The following PPP4R2 variants were observed in gnomAD, a reference collection of about 807,000 sequenced individuals.
The protein encoded by PPP4R2 is serine/threonine-protein phosphatase 4 regulatory subunit 2.
A neutral mutation model predicts 47.2 loss-of-function variants in PPP4R2; 13 were observed. The observed-to-expected ratio is 0.28, with a 90% CI of 0.18 to 0.44. The LOEUF is 0.44. Ranked by LOEUF, PPP4R2 falls within the 20% of genes least tolerant of loss-of-function variation. PPP4R2 has a pLI of 1.00. For missense variants in PPP4R2, 421 were observed against 491.2 expected (o/e 0.86, Z 1.35); for synonymous variants, 151 against 163.3 (o/e 0.92, Z 0.57).
chr3:73,000,824 C>G (rs1016415919), intron 2 of PPP4R2, among the ~76,000 whole-genome samples: 2 of 152,066 alleles, frequency 1.3e-5, no homozygotes, highest in African/African-American at 4.8e-5. Flanking sequence ...ATATAGTATG[C>G]GCTGAATAAA....
intron 3 of PPP4R2, among the ~76,000 whole-genome samples, chr3:73,056,543 GTGT>G (rs79123962): frequency 0.25 from 38,366 of 151,980 alleles, 5,847 homozygotes; most frequent in Non-Finnish European, 0.36. Context: ...AGAAAAGGAA[GTGT>G]TGTGTGACAT....
At chr3:73,023,631 C>T (rs2107259053) in intron 2 of PPP4R2, among the ~76,000 whole-genome samples, 1 of 152,276 alleles carries the variant, frequency 6.6e-6, no homozygotes, top group African/African-American at 2.4e-5. Flanking sequence ...ACAATTTAAA[C>T]AGTGCAGTAG....
intron 3 of PPP4R2, among the ~76,000 whole-genome samples, chr3:73,052,132 A>T (rs1325715392): frequency 6.6e-6 from 1 of 152,178 alleles, no homozygotes; most frequent in African/African-American, 2.4e-5. Context: ...ATGAGTAAAG[A>T]AAAGAATATT....
At chr3:73,016,166 C>T (rs1470912779) in intron 2 of PPP4R2, 1 of 152,132 alleles carries the variant, frequency 6.6e-6, no homozygotes, top group Non-Finnish European at 1.5e-5. Context: ...AATAATAACC[C>T]TTGACAATAA....
chr3:73,001,802 T>G (rs1701467671), intron 2 of PPP4R2, among the ~76,000 whole-genome samples: 4 of 145,184 alleles, frequency 2.8e-5, no homozygotes, highest in Admixed American at 1.4e-4. Flanking sequence ...CTAATTATTG[T>G]GTTTTTAGTA....
At position 73,065,008 on chromosome 3, in the gene PPP4R2, C is replaced by T; in HGVS notation, c.795C>T (p.Ser265=). 1.2e-6 allele frequency: 2 copies of T among 1,613,848 alleles called. No homozygotes were observed. The highest frequency in any genetic ancestry group is 3.3e-5 in the Admixed American group (2 of 59,990). The stretch of plus-strand genomic sequence containing the variant: ...GAGAAACAGCCAGTCAAACGACTTC[C>T]AGCGAAATTTCTTCAGTTATGGTAG... ...EVRETASQTT[S]SEISSVMVGE... The change falls in exon 8 of 9, where the codon TCC becomes TCT. Residue 265 remains serine (S), a synonymous_variant. Coordinates refer to ENST00000356692, the MANE Select transcript of PPP4R2 (RefSeq NM_174907.4).
intron 2 of PPP4R2, among the ~76,000 whole-genome samples, chr3:73,012,724 A>G (rs1701749999): frequency 6.6e-6 from 1 of 152,068 alleles, no homozygotes; most frequent in Non-Finnish European, 1.5e-5. Context: ...ATTTTTAGAG[A>G]TTGTTTTATT....
chr3:73,038,720 G>A (rs556151741), intron 2 of PPP4R2, among the ~76,000 whole-genome samples: 1 of 152,180 alleles, frequency 6.6e-6, no homozygotes, highest in Non-Finnish European at 1.5e-5. Flanking sequence ...CTGTTGGTTG[G>A]ACTTTTTGTT....
intron 2 of PPP4R2, among the ~76,000 whole-genome samples, chr3:73,032,873 C>G (rs998390971): frequency 6.6e-6 from 1 of 152,098 alleles, no homozygotes; most frequent in Non-Finnish European, 1.5e-5. Context: ...ATGACTAATT[C>G]AACCCCAAAT....
At position 73,055,417 on chromosome 3, in the gene PPP4R2, CGTGTGT is replaced by C. The variant is rs10663655; in HGVS notation, c.288-3587_288-3582del. 3.4e-3 allele frequency among the ~76,000 whole-genome samples: 468 copies of C among 137,350 alleles called. 1 individual carries two copies. Among genetic ancestry groups the C allele is most frequent in the Middle Eastern group, 6.9e-3 (2 of 290 alleles). The allele number at this position is 137,350 out of a possible 152,430, so 90.1% of individuals were successfully genotyped here. ...TGAGTAAGGTCTCCTAGTGGGGTAGCGTGTGTGTGTGTGTGTGTGTGTGTGTGTGTG... is the reference window on the plus strand; with the variant it reads ...TGAGTAAGGTCTCCTAGTGGGGTAGCGTGTGTGTGTGTGTGTGTGTGTGTG... On this transcript the variant is annotated intron_variant, in intron 3 of 8. Coordinates refer to ENST00000356692, the MANE Select transcript of PPP4R2 (RefSeq NM_174907.4).
At chr3:73,031,420 G>A (rs764349820) in intron 2 of PPP4R2, among the ~76,000 whole-genome samples, 65 of 152,164 alleles carry the variant, frequency 4.3e-4, no homozygotes, top group Non-Finnish European at 8.5e-4. Context: ...GCATGCACCT[G>A]TAATCCCAGC....
In PPP4R2 at chr3:73,044,087, C is replaced by CGTGT. The variant is rs141997232; in HGVS notation, c.117-3086_117-3083dup. On this transcript the variant is annotated intron_variant, in intron 2 of 8. Transcript: ENST00000356692. ...TTCAGATTAAAGACTGGATAATATT[C>CGTGT]GTGTGTGTGTGTGTGTTTATCTCTC... 2.0e-4 allele frequency among the ~76,000 whole-genome samples: 30 copies of CGTGT among 151,676 alleles called. No individual in the cohort carries two copies. The East Asian group carries it at 5.0e-3, about 25-fold the overall frequency.
At chr3:73,021,848 ATG>A (rs34010770) in intron 2 of PPP4R2, among the ~76,000 whole-genome samples, 7,005 of 130,526 alleles carry the variant, frequency 0.054, 383 homozygotes, top group African/African-American at 0.15. Context: ...ACATTTCTAT[ATG>A]TGTGTGTGTG....
At chr3:73,010,194 AC>A (rs1332726389) in intron 2 of PPP4R2, among the ~76,000 whole-genome samples, 1 of 152,126 alleles carries the variant, frequency 6.6e-6, no homozygotes, top group African/African-American at 2.4e-5. Context: ...TTATCAGTTA[AC>A]CACTTAACGC....
In PPP4R2 at chr3:73,065,028, T is replaced by G; in HGVS notation, c.815T>G (p.Met272Arg). ...QTTSSEISSV[M>R]VGETEASSSS... ...ACTTCCAGCGAAATTTCTTCAGTTA[T>G]GGTAGGAGAAACAGAAGCATCATCT... Residue 272 changes from methionine to arginine, a missense_variant, in exon 8 of 9, where the codon ATG (methionine) becomes AGG (arginine). Transcript: ENST00000356692. The G allele has an allele frequency of 6.2e-7, 1 of 1,613,932 alleles. No homozygotes were observed.
intron 2 of PPP4R2, among the ~76,000 whole-genome samples, chr3:73,032,583 A>G (rs563574816): frequency 7.9e-5 from 12 of 152,250 alleles, no homozygotes; most frequent in South Asian, 6.2e-4. Context: ...CACCGTGCCC[A>G]GCCTACCTTC....
Position 73,061,044 on chromosome 3 carries a change from G to A in PPP4R2, c.403G>A (p.Val135Ile). Residue 135 changes from valine to isoleucine, a missense_variant, in exon 5 of 9, where the codon GTT (valine) becomes ATT (isoleucine). Transcript: ENST00000356692. ...VEKNVMVVSC[V>I]YPSSEKNNSN... ...GCAGAATGTGATGGTTGTTAGCTGT[G>A]TTTATCCTTCTTCAGAGTAAGTATA... is the stretch of plus-strand genomic sequence containing the variant. 1 of 1,544,986 alleles carries A rather than the reference G, an allele frequency of 6.5e-7. No individual in the cohort carries two copies. Among genetic ancestry groups the A allele is most frequent in the South Asian group, 1.2e-5 (1 of 80,438 alleles).
chr3:73,063,318 TAAAAAAAAA>T (rs534798966), intron 5 of PPP4R2: 3 of 92,168 alleles, frequency 3.3e-5, no homozygotes, highest in East Asian at 3.2e-4. Context: ...TCTCATTATT[TAAAAAAAAA>T]AAAAAAAAAA....
At chr3:73,001,639 TTC>T (rs1701460821) in intron 2 of PPP4R2, among the ~76,000 whole-genome samples, 1 of 152,068 alleles carries the variant, frequency 6.6e-6, no homozygotes, top group African/African-American at 2.4e-5. Flanking sequence ...GTTTTCTTTC[TTC>T]TTTTTTTTTA....
Sources: gnomAD v4.1 joint callset for allele counts (sites outside exome capture counted in the v4.1 genomes callset) on GRCh38, gnomAD v4.1.1 for gene constraint, MANE v1.5 for transcripts, NCBI Gene and HGNC (gene_info 2026-07-23, HGNC 2026-07-21) for gene names.